The following MAP10 variants were observed in gnomAD, a reference collection of about 807,000 sequenced individuals.
The protein encoded by MAP10 is microtubule-associated protein 10.
A neutral mutation model predicts 6.3 loss-of-function variants in MAP10; 10 were observed. That is an observed-to-expected ratio of 1.58 (90% CI 0.98 to 2.69). The LOEUF is 2.69. Ranked by LOEUF, MAP10 falls within the 30% of genes most tolerant of loss-of-function variation. The pLI is 0.00. For synonymous variants in MAP10, 459 were observed against 429.3 expected, an observed-to-expected ratio of 1.07 and a Z score of -0.86; for missense variants, 1,189 against 1,086.5, an observed-to-expected ratio of 1.09 and a Z score of -1.33.
chr1:232,808,431 C>T lies in MAP10; in HGVS notation c.*264C>T. 1 of 275,196 alleles carries T rather than the reference C, an allele frequency of 3.6e-6. No individual in the cohort carries two copies. Among genetic ancestry groups the T allele is most frequent in the Admixed American group, 4.9e-5 (1 of 20,268 alleles). 17.0% of individuals were successfully genotyped at this position (275,196 alleles called of 1,614,324 possible). A position where few individuals can be genotyped will look rare whatever the true frequency, so the allele number is the denominator to read the frequency against. On this transcript the variant is annotated 3_prime_UTR_variant, in exon 1 of 1. Transcript: ENST00000418460. ...AATTGTCTCTCTTAAAGTGTCTAGT[C>T]TACAGTATTGATCATTCTAAAGCTG...
chr1:232,807,469 A>G lies in MAP10; in HGVS notation c.2020A>G (p.Asn674Asp). 1 of 1,613,838 alleles carries G rather than the reference A, an allele frequency of 6.2e-7. No individual in the cohort carries two copies. The highest frequency in any genetic ancestry group is 8.5e-7 in the Non-Finnish European group (1 of 1,179,796). The change falls in exon 1 of 1, where the codon AAT (asparagine) becomes GAT (aspartate). Residue 674 changes from asparagine (N) to aspartate (D), a missense_variant. By Grantham distance (23) the Asn-to-Asp change is conservative (BLOSUM62 1). Coordinates refer to ENST00000418460, the MANE Select transcript of MAP10 (RefSeq NM_019090.3). ...IDIRQVKTTDNDILMADISDK... is the reference protein window; with the variant it reads ...IDIRQVKTTDDDILMADISDK... Reference sequence around the variant, plus strand: ...TATTAGACAGGTCAAAACCACAGATAATGACATTCTTATGGCTGATATAAG... The same window carrying G: ...TATTAGACAGGTCAAAACCACAGATGATGACATTCTTATGGCTGATATAAG...
In MAP10 at chr1:232,808,197, A is replaced by C. The variant is rs138806471; in HGVS notation, c.*30A>C. 8.5e-6 allele frequency: 12 copies of C among 1,416,564 alleles called. No individual in the cohort carries two copies. In the African/African-American group the frequency reaches 1.4e-4, roughly 17 times the overall value. 87.7% of individuals were successfully genotyped at this position (1,416,564 alleles called of 1,614,324 possible). ...ACATGCTTTTAAAAAACTTTCAAGG[A>C]CCTATGTGTACTGTTAGTGAAAAAA... On this transcript the variant is annotated 3_prime_UTR_variant, in exon 1 of 1. Transcript: ENST00000418460.
chr1:232,807,523 T>C lies in MAP10; in HGVS notation c.2074T>C (p.Tyr692His). Residue 692 changes from tyrosine to histidine, a missense_variant, in exon 1 of 1, where the codon TAT becomes CAT. By Grantham distance (83) the Tyr-to-His change is moderately conservative (BLOSUM62 2). Coordinates refer to ENST00000418460, the MANE Select transcript of MAP10 (RefSeq NM_019090.3). ...SDKRTGKNSC[Y>H]ENISELKYSD... ...CAAGAGAACAGGTAAAAATAGTTGCTATGAAAACATCTCAGAACTGAAGTA... is the reference window on the plus strand; with the variant it reads ...CAAGAGAACAGGTAAAAATAGTTGCCATGAAAACATCTCAGAACTGAAGTA... The C allele has an allele frequency of 1.2e-6, 2 of 1,613,782 alleles. No homozygotes were observed. The highest frequency in any genetic ancestry group is 1.1e-5 in the South Asian group (1 of 91,054).
Position 232,805,687 on chromosome 1 carries a change from G to C in MAP10, c.238G>C (p.Ala80Pro). Residue 80 changes from alanine (A) to proline (P), a missense_variant, in exon 1 of 1, where the codon GCC becomes CCC. Transcript: ENST00000418460. ...TCCTGACGGCCCCGGCGCTCCCGCC[G>C]CCGAACCGTGGCCCGGTGTCATCCG... is the stretch of plus-strand genomic sequence containing the variant. ...YPPDGPGAPA[A>P]EPWPGVIRFG... 6.2e-7 allele frequency: 1 copy of C among 1,603,170 alleles called. No individual in the cohort carries two copies. Among genetic ancestry groups the C allele is most frequent in the Non-Finnish European group, 8.5e-7 (1 of 1,178,692 alleles).
rs1441497346 is a variant in MAP10 at position 232,809,249 on chromosome 1, A to C, written c.*1082A>C. On this transcript the variant is annotated 3_prime_UTR_variant, in exon 1 of 1. Transcript: ENST00000418460. ...CAAATATTTACATATATTTTCTTCTAGCTGTGTTATACTTTAATTTTTAGA... is the reference window on the plus strand; with the variant it reads ...CAAATATTTACATATATTTTCTTCTCGCTGTGTTATACTTTAATTTTTAGA... 6.6e-6 allele frequency among the ~76,000 whole-genome samples: 1 copy of C among 151,982 alleles called. No homozygotes were observed. The highest frequency in any genetic ancestry group is 6.6e-5 in the Admixed American group (1 of 15,266).
Position 232,806,231 on chromosome 1 carries a change from C to T in MAP10, c.782C>T (p.Ser261Phe). 1 of 1,613,954 alleles carries T rather than the reference C, an allele frequency of 6.2e-7. No homozygotes were observed. The highest frequency in any genetic ancestry group is 8.5e-7 in the Non-Finnish European group (1 of 1,179,886). Reference protein sequence around the residue: ...KSKAECDNVGSVENGKTNSVV... With the variant: ...KSKAECDNVGFVENGKTNSVV... Reference sequence around the variant, plus strand: ...AAGGCCGAATGTGATAATGTGGGTTCTGTGGAGAATGGCAAAACCAATTCT... The same window carrying T: ...AAGGCCGAATGTGATAATGTGGGTTTTGTGGAGAATGGCAAAACCAATTCT... Residue 261 changes from serine to phenylalanine, a missense_variant, in exon 1 of 1, where the codon TCT becomes TTT. By Grantham distance (155) the Ser-to-Phe change is radical. Coordinates refer to ENST00000418460, the MANE Select transcript of MAP10 (RefSeq NM_019090.3).
In MAP10 at chr1:232,807,498, C is replaced by A. The variant is rs769320373; in HGVS notation, c.2049C>A (p.Asp683Glu). 1.2e-5 allele frequency: 20 copies of A among 1,613,704 alleles called. No homozygotes were observed. Among genetic ancestry groups the A allele is most frequent in the Non-Finnish European group, 1.7e-5 (20 of 1,179,744 alleles). Residue 683 changes from aspartate to glutamate, a missense_variant, in exon 1 of 1, where the codon GAC becomes GAA. Coordinates refer to ENST00000418460, the MANE Select transcript of MAP10 (RefSeq NM_019090.3). ...ACATTCTTATGGCTGATATAAGTGA[C>A]AAGAGAACAGGTAAAAATAGTTGCT... is the stretch of plus-strand genomic sequence containing the variant. ...DNDILMADIS[D>E]KRTGKNSCYE... is the part of the protein sequence containing the mutation.
rs945804226 is a variant in MAP10 at position 232,805,519 on chromosome 1, C to T, written c.70C>T (p.Arg24Trp). 28 of 1,565,840 alleles carry T rather than the reference C, an allele frequency of 1.8e-5. No individual in the cohort carries two copies. Among genetic ancestry groups the T allele is most frequent in the African/African-American group, 2.7e-5 (2 of 74,026 alleles). Residue 24 changes from arginine to tryptophan, a missense_variant, in exon 1 of 1, where the codon CGG becomes TGG. Arg to Trp is a moderately radical substitution (Grantham distance 101, BLOSUM62 -3). Transcript: ENST00000418460. ...LLVDWVRLEARLLPSPAAAVE... is the reference protein window; with the variant it reads ...LLVDWVRLEAWLLPSPAAAVE... ...GGTGGACTGGGTGCGTTTGGAAGCC[C>T]GGCTGCTGCCGTCCCCCGCTGCCGC...
At chr1:232,807,006 AAAAAG>A in the MAP10 span, 1 of 1,613,158 alleles carries the variant, frequency 6.2e-7, no homozygotes, top group South Asian at 1.1e-5. Context: ...TGGTACATGA[AAAAAG>A]AGAACTATAT....
rs761450572 is a variant in MAP10, at chr1:232,805,742, G to A, written c.293G>A (p.Arg98His). Reference protein sequence around the residue: ...RFGRGKSCLFRLQPATLHCRL... With the variant: ...RFGRGKSCLFHLQPATLHCRL... ...GGTCGCGGCAAGTCCTGCCTCTTCC[G>A]CCTGCAGCCTGCTACCCTGCACTGC... The change falls in exon 1 of 1, where the codon CGC becomes CAC. Residue 98 changes from arginine (R) to histidine (H), a missense_variant. Physicochemically the swap from Arg to His is conservative, Grantham distance 29. Transcript: ENST00000418460. The A allele has an allele frequency of 2.5e-6, 4 of 1,604,544 alleles. No homozygotes were observed. The highest frequency in any genetic ancestry group is 3.4e-6 in the Non-Finnish European group (4 of 1,179,050).
rs1193412790 is a variant in MAP10 at position 232,805,834 on chromosome 1, C to G, written c.385C>G (p.Pro129Ala). 6.3e-7 allele frequency: 1 copy of G among 1,591,180 alleles called. No individual in the cohort carries two copies. Among genetic ancestry groups the G allele is most frequent in the Non-Finnish European group, 8.6e-7 (1 of 1,168,936 alleles). ...QLPPGRPTPT[P>A]QLLGACDISL... The stretch of plus-strand genomic sequence containing the variant: ...GCCCCCTGGGCGCCCGACGCCCACC[C>G]CACAGCTCCTGGGGGCCTGCGACAT... Residue 129 changes from proline to alanine, a missense_variant, in exon 1 of 1, where the codon CCA becomes GCA. Transcript: ENST00000418460.
Position 232,806,635 on chromosome 1 carries a change from C to A in MAP10, c.1186C>A (p.Pro396Thr). 1 of 1,613,892 alleles carries A rather than the reference C, an allele frequency of 6.2e-7. No homozygotes were observed. Residue 396 changes from proline to threonine, a missense_variant, in exon 1 of 1, where the codon CCT (proline) becomes ACT (threonine). Coordinates refer to ENST00000418460, the MANE Select transcript of MAP10 (RefSeq NM_019090.3). ...TCGAATTAATACAATAAGGCAGTTG[C>A]CTTTGTTAAATGCTTTGTTAGTTGA... ...QNRINTIRQLPLLNALLVELS... is the reference protein window; with the variant it reads ...QNRINTIRQLTLLNALLVELS...
At position 232,809,509 on chromosome 1, in the gene MAP10, C is replaced by G. The variant is rs10489578; in HGVS notation, c.*1342C>G. On this transcript the variant is annotated 3_prime_UTR_variant, in exon 1 of 1. Coordinates refer to ENST00000418460, the MANE Select transcript of MAP10 (RefSeq NM_019090.3). ...AAATATTATCTTGAATAGAATGATC[C>G]ACTCATGCTACAGAGTGGTAGAAAG... Among the ~76,000 whole-genome samples the G allele has an allele frequency of 0.093, 14,186 of 151,904 alleles. 1,035 individuals are homozygous for G. The highest frequency in any genetic ancestry group is 0.2 in the African/African-American group (8,300 of 41,450).
At position 232,806,661 on chromosome 1, in the gene MAP10, G is replaced by A. The variant is rs76557656; in HGVS notation, c.1212G>A (p.Glu404=). 1.7e-3 allele frequency: 2,730 copies of A among 1,613,916 alleles called. 43 individuals carry two copies. The African/African-American group carries it at 0.03, about 18-fold the overall frequency. The change falls in exon 1 of 1, where the codon GAG becomes GAA. Residue 404 remains glutamate (E), a synonymous_variant. Coordinates refer to ENST00000418460, the MANE Select transcript of MAP10 (RefSeq NM_019090.3). The stretch of plus-strand genomic sequence containing the variant: ...CTTTGTTAAATGCTTTGTTAGTTGA[G>A]TTGTCCTTGTTATATGACCAACCTG... ...QLPLLNALLV[E]LSLLYDQPVT... is the part of the protein sequence containing the mutation.
Position 232,806,780 on chromosome 1 carries a change from G to T in MAP10, c.1331G>T (p.Arg444Leu). ...SPESSAKSTC[R>L]SEAKKDKRSV... is the part of the protein sequence containing the mutation. ...GAATCTTCTGCCAAATCCACATGCCGGTCTGAAGCCAAGAAGGATAAGCGT... is the reference window on the plus strand; with the variant it reads ...GAATCTTCTGCCAAATCCACATGCCTGTCTGAAGCCAAGAAGGATAAGCGT... The change falls in exon 1 of 1, where the codon CGG becomes CTG. Residue 444 changes from arginine (R) to leucine (L), a missense_variant. Coordinates refer to ENST00000418460, the MANE Select transcript of MAP10 (RefSeq NM_019090.3). 6.2e-7 allele frequency: 1 copy of T among 1,613,712 alleles called. No homozygotes were observed. Among genetic ancestry groups the T allele is most frequent in the Non-Finnish European group, 8.5e-7 (1 of 1,179,828 alleles).
chr1:232,807,112 C>G lies in MAP10; in HGVS notation c.1663C>G (p.Pro555Ala). 6.2e-7 allele frequency: 1 copy of G among 1,611,908 alleles called. No individual in the cohort carries two copies. Among genetic ancestry groups the G allele is most frequent in the Non-Finnish European group, 8.5e-7 (1 of 1,179,076 alleles). Residue 555 changes from proline (P) to alanine (A), a missense_variant, in exon 1 of 1, where the codon CCA becomes GCA. Coordinates refer to ENST00000418460, the MANE Select transcript of MAP10 (RefSeq NM_019090.3). ...LLSSAEQSQK[P>A]QLPEDKYLDS... ...AAGCTCTGCAGAACAAAGTCAGAAG[C>G]CACAACTGCCTGAAGATAAGTATTT... is the stretch of plus-strand genomic sequence containing the variant.
At chr1:232,805,977 ACTGGC>A in the MAP10 span, 6 of 1,613,524 alleles carry the variant, frequency 3.7e-6, no homozygotes, top group Non-Finnish European at 5.1e-6. Context: ...GGGACATTGC[ACTGGC>A]CTACCGCCTG....
chr1:232,807,510 TA>T, the MAP10 span: 1 of 1,613,694 alleles, frequency 6.2e-7, no homozygotes, highest in Non-Finnish European at 8.5e-7. Flanking sequence ...AGAGAACAGG[TA>T]AAAATAGTTG....
chr1:232,805,857 C>A lies in MAP10; in HGVS notation c.408C>A (p.Asp136Glu). ...TPTPQLLGAC[D>E]ISLATAAHRV... is the part of the protein sequence containing the mutation. ...CCCCACAGCTCCTGGGGGCCTGCGA[C>A]ATTTCGCTGGCCACCGCAGCGCACA... The change falls in exon 1 of 1, where the codon GAC (aspartate) becomes GAA (glutamate). Residue 136 changes from aspartate (D) to glutamate (E), a missense_variant. Transcript: ENST00000418460. 6.3e-7 allele frequency: 1 copy of A among 1,590,622 alleles called. No individual in the cohort carries two copies. The highest frequency in any genetic ancestry group is 8.6e-7 in the Non-Finnish European group (1 of 1,167,914).
Sources: allele counts gnomAD v4.1 joint callset (sites outside exome capture counted in the v4.1 genomes callset), GRCh38; gene constraint gnomAD v4.1.1; transcripts MANE v1.5; gene names NCBI Gene and HGNC (gene_info 2026-07-23, HGNC 2026-07-21).